NCKAP5: variants seen among roughly 807,000 people sequenced by gnomAD.
The protein encoded by NCKAP5 is nck-associated protein 5.
In NCKAP5, 92 loss-of-function variants were observed where a neutral mutation model predicts 167.0. The ratio of observed to expected loss-of-function variants is 0.55; its 90% CI spans 0.47 to 0.66. The LOEUF (loss-of-function observed/expected upper bound fraction) is 0.66. NCKAP5 is among the 30% of genes least tolerant of loss of function. The pLI is 0.00. For synonymous variants in NCKAP5, 891 were observed against 877.4 expected, an observed-to-expected ratio of 1.02 and a Z score of -0.27; for missense variants, 2,378 against 2,315.0, an observed-to-expected ratio of 1.03 and a Z score of -0.56.
At chr2:133,338,109 G>A (rs1401464414) in intron 3 of NCKAP5, among the ~76,000 whole-genome samples, 1 of 151,650 alleles carries the variant, frequency 6.6e-6, no homozygotes, top group Non-Finnish European at 1.5e-5. Context: ...TGAATTATAT[G>A]GGTCTATTGC....
intron 3 of NCKAP5, among the ~76,000 whole-genome samples, chr2:133,444,004 C>T (rs951433049): frequency 6.6e-6 from 1 of 152,134 alleles, no homozygotes; most frequent in African/African-American, 2.4e-5. Flanking sequence ...TTGTGACAAT[C>T]CAATTCATGT....
At chr2:133,348,161 C>G (rs1428359605) in intron 3 of NCKAP5, among the ~76,000 whole-genome samples, 1 of 152,162 alleles carries the variant, frequency 6.6e-6, no homozygotes, top group Non-Finnish European at 1.5e-5. Flanking sequence ...TGCTGAGTGT[C>G]TGCCGCTCAA....
chr2:133,081,901 A>T (rs2080821981), intron 6 of NCKAP5, among the ~76,000 whole-genome samples: 1 of 152,152 alleles, frequency 6.6e-6, no homozygotes. Context: ...TTAACATTTT[A>T]GTTTCAGGGG....
At chr2:133,366,794 G>A (rs1030601761) in intron 3 of NCKAP5, among the ~76,000 whole-genome samples, 7 of 152,150 alleles carry the variant, frequency 4.6e-5, no homozygotes, top group African/African-American at 1.7e-4. Context: ...GTCATATGGG[G>A]AGTAAATTGG....
intron 11 of NCKAP5, among the ~76,000 whole-genome samples, chr2:132,846,341 T>C (rs528004146): frequency 3.9e-5 from 6 of 152,166 alleles, no homozygotes; most frequent in African/African-American, 1.2e-4. Flanking sequence ...TTTTTTGAGA[T>C]ACAGTCTCAC....
chr2:133,253,590 G>A (rs534374150), intron 4 of NCKAP5, among the ~76,000 whole-genome samples: 151 of 152,202 alleles, frequency 9.9e-4, no homozygotes, highest in African/African-American at 3.5e-3. Context: ...AATGGAACCA[G>A]GATGGGGAAG....
In NCKAP5 at chr2:133,061,557, G is replaced by A. The variant is rs539947552; in HGVS notation, c.342-67318C>T. On this transcript the variant is annotated intron_variant, in intron 6 of 19. Transcript: ENST00000409261. Reference sequence around the variant, plus strand: ...AGAAAACTGAGATTCAAAGAAGGGAGTAATCCTCCACCCAAGTCACAGAAC... The same window carrying A: ...AGAAAACTGAGATTCAAAGAAGGGAATAATCCTCCACCCAAGTCACAGAAC... 5.3e-5 allele frequency among the ~76,000 whole-genome samples: 8 copies of A among 152,274 alleles called. No individual in the cohort carries two copies. The East Asian group carries it at 1.5e-3, about 29-fold the overall frequency.
intron 6 of NCKAP5, among the ~76,000 whole-genome samples, chr2:133,006,507 T>C (rs2077972012): frequency 6.6e-6 from 1 of 152,174 alleles, no homozygotes. Context: ...TATGGGAGTT[T>C]GACTCAGAGA....
At chr2:133,289,465 G>C (rs569754314) in intron 4 of NCKAP5, among the ~76,000 whole-genome samples, 1 of 152,182 alleles carries the variant, frequency 6.6e-6, no homozygotes, top group East Asian at 1.9e-4. Flanking sequence ...CTTGAAGCCA[G>C]GCGAGGTGGC....
chr2:132,737,974 C>T (rs1299806195), intron 16 of NCKAP5, among the ~76,000 whole-genome samples: 1 of 152,192 alleles, frequency 6.6e-6, no homozygotes, highest in African/African-American at 2.4e-5. Flanking sequence ...AACACATAGT[C>T]AGCCCTCACT....
chr2:132,846,300 C>A (rs1688657149), intron 11 of NCKAP5, among the ~76,000 whole-genome samples: 1 of 151,824 alleles, frequency 6.6e-6, no homozygotes, highest in African/African-American at 2.4e-5. Context: ...GTATAACTTC[C>A]TTTCTTCATA....
chr2:133,169,084 T>C (rs1047738422), intron 5 of NCKAP5, among the ~76,000 whole-genome samples: 4 of 152,092 alleles, frequency 2.6e-5, no homozygotes, highest in Admixed American at 2.6e-4. Context: ...ACAGGAAAAA[T>C]ATACCAGCAT....
At chr2:132,976,300 C>T (rs1410153121) in intron 7 of NCKAP5, among the ~76,000 whole-genome samples, 1 of 152,050 alleles carries the variant, frequency 6.6e-6, no homozygotes, top group Non-Finnish European at 1.5e-5. Flanking sequence ...TGCAGTAGCT[C>T]ACATCTGTAA....
intron 6 of NCKAP5, among the ~76,000 whole-genome samples, chr2:133,064,505 A>G (rs1470384869): frequency 6.6e-6 from 1 of 151,964 alleles, no homozygotes; most frequent in Non-Finnish European, 1.5e-5. Context: ...AAAAAAAAAC[A>G]GATTAAGAAA....
At chr2:132,699,550 A>G (rs575610492) in intron 19 of NCKAP5, among the ~76,000 whole-genome samples, 111 of 151,544 alleles carry the variant, frequency 7.3e-4, no homozygotes, top group Admixed American at 1.3e-3. Context: ...TCATTGTTCA[A>G]TTCCCACCTA....
chr2:133,021,840 A>G (rs1425860677), intron 6 of NCKAP5, among the ~76,000 whole-genome samples: 1 of 152,136 alleles, frequency 6.6e-6, no homozygotes, highest in Non-Finnish European at 1.5e-5. Flanking sequence ...CACTTTGCCC[A>G]GGCTGTTCTT....
At chr2:133,101,065 GA>G in intron 6 of NCKAP5, among the ~76,000 whole-genome samples, 1 of 151,668 alleles carries the variant, frequency 6.6e-6, no homozygotes, top group East Asian at 1.9e-4. Flanking sequence ...AATCCATCTT[GA>G]ATTGATTTTT....
intron 4 of NCKAP5, among the ~76,000 whole-genome samples, chr2:133,253,380 T>A (rs750188355): frequency 2.0e-5 from 3 of 152,220 alleles, no homozygotes; most frequent in Non-Finnish European, 4.4e-5. Context: ...TGTTCTTCCT[T>A]ATTTCATGGA....
At chr2:133,558,671 G>A (rs970857679) in intron 2 of NCKAP5, among the ~76,000 whole-genome samples, 3 of 106,248 alleles carry the variant, frequency 2.8e-5, no homozygotes, top group Non-Finnish European at 5.2e-5. Context: ...GATAAAGCCA[G>A]GGGCATCACA....
Sources: allele counts gnomAD v4.1 joint callset (sites outside exome capture counted in the v4.1 genomes callset), GRCh38; gene constraint gnomAD v4.1.1; transcripts MANE v1.5; gene names NCBI Gene and HGNC (gene_info 2026-07-23, HGNC 2026-07-21).